HTR1E: variants seen among roughly 807,000 people sequenced by gnomAD.
HTR1E encodes the protein 5-HT-1E.
HTR1E carries 3 observed loss-of-function variants against 3.4 expected under a neutral mutation model. The observed-to-expected ratio is 0.89, with a 90% confidence interval of 0.41 to 2.31. The LOEUF (loss-of-function observed/expected upper bound fraction) is 2.31. Among genes scored for constraint, HTR1E ranks in the 30% most tolerant of loss-of-function variants. HTR1E has a pLI of 0.05. For missense variants in HTR1E, 392 were observed against 467.0 expected (o/e 0.84, Z 1.48); for synonymous variants, 170 against 182.8 (o/e 0.93, Z 0.56).
At chr6:86,993,796 G>C (rs1767901194) in intron 1 of HTR1E, among the ~76,000 whole-genome samples, 1 of 151,518 alleles carries the variant, frequency 6.6e-6, no homozygotes, top group Admixed American at 6.6e-5. Flanking sequence ...TCAAAGACCA[G>C]GAAAATTTAA....
intron 1 of HTR1E, among the ~76,000 whole-genome samples, chr6:87,012,443 G>A (rs1455415171): frequency 6.6e-6 from 1 of 151,882 alleles, no homozygotes; most frequent in Non-Finnish European, 1.5e-5. Context: ...CTACCTTTTG[G>A]GTACTATGCT....
chr6:86,943,628 A>G (rs929592690), intron 1 of HTR1E, among the ~76,000 whole-genome samples: 1 of 152,222 alleles, frequency 6.6e-6, no homozygotes, highest in East Asian at 1.9e-4. Context: ...GGGGTAACAC[A>G]GCATGGGGCT....
Position 87,010,617 on chromosome 6 carries a change from T to A in HTR1E, c.-185-4533T>A, listed in dbSNP as rs555220439. Among the ~76,000 whole-genome samples the A allele has an allele frequency of 2.1e-5, 3 of 141,356 alleles. No homozygotes were observed. The South Asian group carries it at 7.4e-4, about 35-fold the overall frequency. 92.7% of individuals were successfully genotyped at this position (141,356 alleles called of 152,430 possible). On this transcript the variant is annotated intron_variant, in intron 1 of 1. Transcript: ENST00000305344. ...CGGCTGGGAAGAGGCGCTCCTCACT[T>A]CCTAGATGGGATGGCGGCCGGGCGG...
At chr6:86,982,468 A>G (rs1767728812) in intron 1 of HTR1E, among the ~76,000 whole-genome samples, 1 of 152,208 alleles carries the variant, frequency 6.6e-6, no homozygotes, top group Non-Finnish European at 1.5e-5. Context: ...TACACCTGCA[A>G]GGAAGTGACA....
At chr6:86,998,416 A>C (rs950804079) in intron 1 of HTR1E, among the ~76,000 whole-genome samples, 2 of 152,152 alleles carry the variant, frequency 1.3e-5, no homozygotes, top group African/African-American at 4.8e-5. Context: ...ACTAAAAATA[A>C]GTTTTGAAAG....
chr6:86,992,326 A>C (rs1361054357), intron 1 of HTR1E, among the ~76,000 whole-genome samples: 2 of 152,158 alleles, frequency 1.3e-5, no homozygotes, highest in African/African-American at 4.8e-5. Context: ...AGAAACATAG[A>C]GTTGTGTTTC....
At chr6:86,961,138 T>C (rs141957254) in intron 1 of HTR1E, among the ~76,000 whole-genome samples, 1 of 152,340 alleles carries the variant, frequency 6.6e-6, no homozygotes, top group African/African-American at 2.4e-5. Context: ...CTTCCAATAT[T>C]TGGGGAGTCA....
At chr6:86,982,369 T>C (rs1056851416) in intron 1 of HTR1E, among the ~76,000 whole-genome samples, 1 of 152,206 alleles carries the variant, frequency 6.6e-6, no homozygotes, top group African/African-American at 2.4e-5. Context: ...TAACCCACTC[T>C]CCTTTTGTCT....
At chr6:86,997,618 G>A (rs187834166) in intron 1 of HTR1E, among the ~76,000 whole-genome samples, 1 of 151,682 alleles carries the variant, frequency 6.6e-6, no homozygotes, top group East Asian at 1.9e-4. Flanking sequence ...AAAATACTTA[G>A]GTGTAAATCT....
intron 1 of HTR1E, among the ~76,000 whole-genome samples, chr6:86,986,599 C>G (rs1462623812): frequency 1.3e-5 from 2 of 152,180 alleles, no homozygotes; most frequent in Non-Finnish European, 2.9e-5. Flanking sequence ...CTCAGCCCAG[C>G]ACTCCATCAG....
chr6:87,006,647 C>A (rs1395941176), intron 1 of HTR1E, among the ~76,000 whole-genome samples: 1 of 152,140 alleles, frequency 6.6e-6, no homozygotes, highest in Non-Finnish European at 1.5e-5. Context: ...CAGCACTATT[C>A]ACAACAGCAA....
chr6:86,938,467 C>T (rs887027287), intron 1 of HTR1E, among the ~76,000 whole-genome samples: 6 of 152,018 alleles, frequency 3.9e-5, no homozygotes, highest in Admixed American at 6.6e-5. Flanking sequence ...AGAGGCTGAC[C>T]CCCTACCTAA....
At chr6:86,995,665 CAAAAAAAAAA>C (rs60134206) in intron 1 of HTR1E, among the ~76,000 whole-genome samples, 2 of 36,696 alleles carry the variant, frequency 5.5e-5, no homozygotes, top group Non-Finnish European at 1.1e-4. Context: ...GACTCCATCT[CAAAAAAAAAA>C]AAAAAAAAAA....
intron 1 of HTR1E, among the ~76,000 whole-genome samples, chr6:86,986,974 T>C (rs1220665378): frequency 2.0e-5 from 3 of 152,062 alleles, no homozygotes; most frequent in Non-Finnish European, 4.4e-5. Flanking sequence ...AAAGTAAATA[T>C]TGGAAACTTG....
chr6:86,963,412 A>C (rs1767434616), intron 1 of HTR1E, among the ~76,000 whole-genome samples: 1 of 152,226 alleles, frequency 6.6e-6, no homozygotes, highest in Non-Finnish European at 1.5e-5. Flanking sequence ...AAAATGTTAC[A>C]ATGAGCTAAG....
intron 1 of HTR1E, among the ~76,000 whole-genome samples, chr6:86,959,651 C>T (rs1767378899): frequency 6.6e-6 from 1 of 152,124 alleles, no homozygotes; most frequent in Admixed American, 6.5e-5. Context: ...CAGCTGGAGC[C>T]TTAGCTGTGT....
At chr6:86,957,482 T>A (rs1443705436) in intron 1 of HTR1E, among the ~76,000 whole-genome samples, 1 of 152,162 alleles carries the variant, frequency 6.6e-6, no homozygotes, top group East Asian at 1.9e-4. Context: ...TATGAAACAT[T>A]GTTAGAATTA....
At chr6:86,963,597 G>A (rs1767437230) in intron 1 of HTR1E, among the ~76,000 whole-genome samples, 1 of 152,114 alleles carries the variant, frequency 6.6e-6, no homozygotes, top group Non-Finnish European at 1.5e-5. Flanking sequence ...CTCCATTCAT[G>A]GTAAATGCCC....
intron 1 of HTR1E, among the ~76,000 whole-genome samples, chr6:86,967,468 A>G (rs1767486665): frequency 6.6e-6 from 1 of 152,166 alleles, no homozygotes; most frequent in African/African-American, 2.4e-5. Context: ...GATTCAATGG[A>G]GAGAAAGTAT....
Sources: allele counts gnomAD v4.1 joint callset (sites outside exome capture counted in the v4.1 genomes callset), GRCh38; gene constraint gnomAD v4.1.1; transcripts MANE v1.5; gene names NCBI Gene and HGNC (gene_info 2026-07-23, HGNC 2026-07-21).